Variants in ATP10B observed in about 807,000 individuals in gnomAD.
The protein encoded by ATP10B is ATPase phospholipid transporting 10B (putative).
In ATP10B, 122 loss-of-function variants were observed where a neutral mutation model predicts 141.2. That is an observed-to-expected ratio of 0.86 (90% CI 0.75 to 1.00). The LOEUF is 1.00. ATP10B is among the 50% of genes least tolerant of loss of function. The pLI, the probability that ATP10B is intolerant of heterozygous loss-of-function variation, is 0.00. For missense variants in ATP10B, 1,876 were observed against 1,825.3 expected (o/e 1.03, Z -0.51); for synonymous variants, 685 against 692.0 (o/e 0.99, Z 0.16).
intron 24 of ATP10B, among the ~76,000 whole-genome samples, chr5:160,581,163 G>C (rs183259149): frequency 1.3e-3 from 198 of 152,168 alleles, no homozygotes; most frequent in African/African-American, 3.8e-3. Flanking sequence ...GTTCTGCTCT[G>C]ATCTTAGTTA....
At chr5:160,866,920 G>T in the ATP10B span, among the ~76,000 whole-genome samples, 1 of 151,938 alleles carries the variant, frequency 6.6e-6, no homozygotes, top group African/African-American at 2.4e-5. Context: ...ACAAATAAAG[G>T]GCTTCCATTT....
At chr5:160,700,753 C>T (rs1257437013) in intron 3 of ATP10B, among the ~76,000 whole-genome samples, 1 of 152,074 alleles carries the variant, frequency 6.6e-6, no homozygotes, top group Non-Finnish European at 1.5e-5. Flanking sequence ...AACTTCTAGT[C>T]CCAAAGTAGG....
chr5:160,675,174 T>C (rs1762945341), intron 6 of ATP10B, among the ~76,000 whole-genome samples: 2 of 152,328 alleles, frequency 1.3e-5, no homozygotes, highest in East Asian at 3.9e-4. Flanking sequence ...CCAGCCTGTT[T>C]CGAACAGCTG....
chr5:160,763,223 AT>A (rs1769172379), intron 2 of ATP10B, among the ~76,000 whole-genome samples: 1 of 152,184 alleles, frequency 6.6e-6, no homozygotes. Flanking sequence ...CTTAACAGAT[AT>A]TTAAGAACAT....
chr5:160,592,803 C>T (rs901621721), intron 22 of ATP10B, among the ~76,000 whole-genome samples: 14 of 152,350 alleles, frequency 9.2e-5, no homozygotes, highest in South Asian at 6.2e-4. Flanking sequence ...CATGGAGTCT[C>T]GCTGATTGCT....
chr5:160,812,473 T>C (rs547454604), intron 1 of ATP10B, among the ~76,000 whole-genome samples: 7 of 152,310 alleles, frequency 4.6e-5, no homozygotes, highest in African/African-American at 1.7e-4. Flanking sequence ...TCAAAATACC[T>C]GTTTTGAGGA....
chr5:160,622,485 A>C lies in ATP10B; in HGVS notation c.1721T>G (p.Leu574Arg). Residue 574 changes from leucine to arginine, a missense_variant, in exon 14 of 26, where the codon CTC becomes CGC. Transcript: ENST00000327245. The stretch of plus-strand genomic sequence containing the variant: ...ATCAGCAATGGAGGAGGTGGTGGAG[A>C]GGGAAGCCTTGGCAGGTCTGCTGTC... The part of the protein sequence containing the change: ...LSDSRPAKAS[L>R]STTSSIADFF... The C allele has an allele frequency of 6.2e-7, 1 of 1,614,072 alleles. No homozygotes were observed.
the ATP10B span, among the ~76,000 whole-genome samples, chr5:160,903,579 C>T: frequency 6.6e-6 from 1 of 152,140 alleles, no homozygotes. Context: ...ATTTGATGGT[C>T]CATTGCAAAT....
At chr5:160,873,467 G>A in the ATP10B span, among the ~76,000 whole-genome samples, 4 of 152,224 alleles carry the variant, frequency 2.6e-5, no homozygotes, top group South Asian at 4.1e-4. Context: ...GTTCACAGAT[G>A]ACATGATTGT....
At chr5:160,822,325 C>A (rs993550022) in intron 1 of ATP10B, among the ~76,000 whole-genome samples, 2 of 151,862 alleles carry the variant, frequency 1.3e-5, no homozygotes, top group African/African-American at 2.4e-5. Flanking sequence ...ATCATTTCAC[C>A]CCAGTTAAAA....
chr5:160,906,109 A>G, the ATP10B span, among the ~76,000 whole-genome samples: 1 of 152,206 alleles, frequency 6.6e-6, no homozygotes, highest in African/African-American at 2.4e-5. Context: ...AAAAGCTGGG[A>G]AAGATAGGTC....
chr5:160,781,381 C>T (rs1378054930), intron 2 of ATP10B, among the ~76,000 whole-genome samples: 2 of 152,112 alleles, frequency 1.3e-5, no homozygotes, highest in Admixed American at 1.3e-4. Context: ...CAATGCTGCT[C>T]TACGTCCAGG....
At chr5:160,614,704 CCCACTTGCCAGCATCA>C (rs1757903910) in intron 17 of ATP10B, 1 of 152,384 alleles carries the variant, frequency 6.6e-6, no homozygotes, top group African/African-American at 2.4e-5. Flanking sequence ...TGTCAGCCAT[CCCACTTGCCAGCATCA>C]CCACTTTACA....
At chr5:160,659,557 G>T (rs540421095) in intron 7 of ATP10B, among the ~76,000 whole-genome samples, 1 of 151,982 alleles carries the variant, frequency 6.6e-6, no homozygotes, top group African/African-American at 2.4e-5. Flanking sequence ...AGGCTCTAAA[G>T]GAAAAGACCT....
chr5:160,808,608 C>G (rs1309017482), intron 1 of ATP10B, among the ~76,000 whole-genome samples: 2 of 152,208 alleles, frequency 1.3e-5, no homozygotes, highest in Non-Finnish European at 2.9e-5. Flanking sequence ...TATTCTCTCT[C>G]CCTGGAATGT....
At chr5:160,651,484 G>A (rs1275302956) in intron 7 of ATP10B, among the ~76,000 whole-genome samples, 3 of 151,944 alleles carry the variant, frequency 2.0e-5, no homozygotes, top group Non-Finnish European at 4.4e-5. Context: ...CACCTGCCCT[G>A]CCCATCTTAA....
At chr5:160,820,423 TG>T in intron 1 of ATP10B, among the ~76,000 whole-genome samples, 1 of 151,974 alleles carries the variant, frequency 6.6e-6, no homozygotes, top group Non-Finnish European at 1.5e-5. Flanking sequence ...AAAAAAAGCC[TG>T]GGACCTCATG....
the ATP10B span, among the ~76,000 whole-genome samples, chr5:160,872,268 T>C: frequency 3.3e-5 from 5 of 152,326 alleles, no homozygotes; most frequent in African/African-American, 1.2e-4. Flanking sequence ...TTGTTGATTC[T>C]GGATATTACT....
chr5:160,748,903 T>A (rs1767975628), intron 2 of ATP10B, among the ~76,000 whole-genome samples: 1 of 152,242 alleles, frequency 6.6e-6, no homozygotes, highest in African/African-American at 2.4e-5. Context: ...GAGTGCCTAC[T>A]CTGGGCTAGG....
Sources: gnomAD v4.1 joint callset for allele counts (sites outside exome capture counted in the v4.1 genomes callset) on GRCh38, gnomAD v4.1.1 for gene constraint, MANE v1.5 for transcripts, NCBI Gene and HGNC (gene_info 2026-07-23, HGNC 2026-07-21) for gene names.